MBOAT2: variants seen among roughly 807,000 people sequenced by gnomAD.
The protein encoded by MBOAT2 is membrane bound glycerophospholipid O-acyltransferase 2, also known as membrane-bound glycerophospholipid O-acyltransferase 2.
In MBOAT2, 28 loss-of-function variants were observed where a neutral mutation model predicts 63.4. The ratio of observed to expected loss-of-function variants is 0.44; its 90% CI spans 0.33 to 0.61. MBOAT2 has a LOEUF of 0.61. Ranked by LOEUF, MBOAT2 falls within the 20% of genes least tolerant of loss-of-function variation. MBOAT2 has a pLI of 0.03. For missense variants in MBOAT2, 470 were observed against 605.8 expected (o/e 0.78, Z 2.35); for synonymous variants, 211 against 215.6 (o/e 0.98, Z 0.19).
intron 2 of MBOAT2, 39 bp from the exon 3 acceptor site, chr2:8,943,303 A>G: frequency 8.1e-7 from 1 of 1,233,622 alleles, no homozygotes; most frequent in Non-Finnish European, 1.1e-6. Context: ...AGGGATGCCA[A>G]GTCACAAACA....
At chr2:8,949,375 T>C (rs1668651242) in intron 2 of MBOAT2, among the ~76,000 whole-genome samples, 1 of 152,194 alleles carries the variant, frequency 6.6e-6, no homozygotes, top group African/African-American at 2.4e-5. Context: ...TTGTTGCAAT[T>C]GCTTTTGAGG....
intron 1 of MBOAT2, among the ~76,000 whole-genome samples, chr2:8,994,803 T>C (rs1573278222): frequency 6.6e-6 from 1 of 152,328 alleles, no homozygotes; most frequent in African/African-American, 2.4e-5. Flanking sequence ...GCATAGGCTT[T>C]AGCTGACTAT....
chr2:8,919,521 T>C (rs1386312351), intron 3 of MBOAT2, among the ~76,000 whole-genome samples: 1 of 152,206 alleles, frequency 6.6e-6, no homozygotes, highest in Non-Finnish European at 1.5e-5. Flanking sequence ...AATTTGCATA[T>C]TGGCCATGAA....
chr2:8,948,716 C>T (rs1668600446), intron 2 of MBOAT2, among the ~76,000 whole-genome samples: 1 of 152,146 alleles, frequency 6.6e-6, no homozygotes, highest in Non-Finnish European at 1.5e-5. Flanking sequence ...TGTATATGTA[C>T]CACATTTTCT....
chr2:8,879,391 T>G (rs1662939456), intron 6 of MBOAT2, among the ~76,000 whole-genome samples: 1 of 152,234 alleles, frequency 6.6e-6, no homozygotes, highest in Non-Finnish European at 1.5e-5. Context: ...AAGTAATTTT[T>G]GGCTCAACTG....
chr2:8,932,796 A>C (rs1667411314), intron 3 of MBOAT2, among the ~76,000 whole-genome samples: 1 of 151,760 alleles, frequency 6.6e-6, no homozygotes, highest in Admixed American at 6.6e-5. Context: ...CATAGAAATC[A>C]CTCCATCATT....
At chr2:8,895,378 G>C (rs1664372679) in intron 4 of MBOAT2, among the ~76,000 whole-genome samples, 1 of 152,142 alleles carries the variant, frequency 6.6e-6, no homozygotes, top group Non-Finnish European at 1.5e-5. Flanking sequence ...CCGTTTTACA[G>C]AGTGCTGACT....
At chr2:8,993,655 C>T (rs1672067468) in intron 1 of MBOAT2, among the ~76,000 whole-genome samples, 1 of 152,174 alleles carries the variant, frequency 6.6e-6, no homozygotes, top group Admixed American at 6.5e-5. Context: ...CAGAACCTGG[C>T]CTTCCTAACT....
At chr2:8,919,589 G>C (rs1666427932) in intron 3 of MBOAT2, among the ~76,000 whole-genome samples, 2 of 152,030 alleles carry the variant, frequency 1.3e-5, no homozygotes. Flanking sequence ...AGTATTGATT[G>C]TACGAGTTCT....
At chr2:8,970,685 G>C (rs1670384003) in intron 1 of MBOAT2, among the ~76,000 whole-genome samples, 1 of 151,932 alleles carries the variant, frequency 6.6e-6, no homozygotes, top group Admixed American at 6.5e-5. Context: ...AATGATAAAG[G>C]GGATATCACC....
intron 5 of MBOAT2, among the ~76,000 whole-genome samples, chr2:8,884,067 A>AG (rs1313971186): frequency 6.7e-6 from 1 of 150,124 alleles, no homozygotes; most frequent in East Asian, 1.9e-4. Context: ...TACTAAAAAA[A>AG]AAAAAAAAGA....
At chr2:8,974,301 A>C (rs1416068701) in intron 1 of MBOAT2, 1 of 450,854 alleles carries the variant, frequency 2.2e-6, no homozygotes, top group Non-Finnish European at 4.5e-6. Context: ...AAATATGGCT[A>C]GGGATTACTG....
At chr2:8,873,032 G>A (rs1662442438) in intron 8 of MBOAT2, 76 bp downstream of exon 8, 4 of 1,345,216 alleles carry the variant, frequency 3.0e-6, no homozygotes, top group South Asian at 2.9e-5. Flanking sequence ...TCAAGAGGGC[G>A]CACTGATAGC....
At position 9,003,647 on chromosome 2, in the gene MBOAT2, G is replaced by C; in HGVS notation, c.-33C>G. 1 of 1,130,778 alleles carries C rather than the reference G, an allele frequency of 8.8e-7. No homozygotes were observed. Among genetic ancestry groups the C allele is most frequent in the Non-Finnish European group, 1.1e-6 (1 of 923,944 alleles). The allele number at this position is 1,130,778 out of a possible 1,614,324, so 70.0% of individuals were successfully genotyped here. A position where few individuals can be genotyped will look rare whatever the true frequency, so the allele number is the denominator to read the frequency against. On this transcript the variant is annotated 5_prime_UTR_variant, in exon 1 of 13. Transcript: ENST00000305997. This position sits in a 1 kb window ranked among gnomAD's most constrained non-coding sequence, Gnocchi z 5.4. ...CCTCGGCGCTCCGGCCGCCCGCGCC[G>C]CTCGCCCGCTCGCGCTGTGCCGGGC...
chr2:8,856,819 T>C lies in MBOAT2; in HGVS notation c.*1860A>G, dbSNP rs879787624. On this transcript the variant is annotated 3_prime_UTR_variant, in exon 13 of 13. Transcript: ENST00000305997. The surrounding 1 kb of genome is among the most constrained non-coding windows in gnomAD (Gnocchi z 4.2). The stretch of plus-strand genomic sequence containing the variant: ...ATCCGCCCACCTCGGCCTCCCAAAG[T>C]GCTAGGATTACAGGTGTGAGCCACC... 13 of 152,154 alleles carry C rather than the reference T, an allele frequency of 8.5e-5. No individual in the cohort carries two copies. Among genetic ancestry groups the C allele is most frequent in the Non-Finnish European group, 1.3e-4 (9 of 68,062 alleles). 9.4% of individuals were successfully genotyped at this position (152,154 alleles called of 1,614,324 possible).
intron 4 of MBOAT2, among the ~76,000 whole-genome samples, chr2:8,896,526 T>C (rs1325457292): frequency 6.6e-6 from 1 of 152,198 alleles, no homozygotes; most frequent in Admixed American, 6.5e-5. Flanking sequence ...TGTGTGGCAG[T>C]AGGATAATGC....
At chr2:8,934,654 G>A (rs570502251) in intron 3 of MBOAT2, among the ~76,000 whole-genome samples, 6 of 152,152 alleles carry the variant, frequency 3.9e-5, no homozygotes, top group Non-Finnish European at 5.9e-5. Context: ...AAGAGGGCCT[G>A]TACCTTTATT....
chr2:8,906,727 G>A (rs1462126802), intron 4 of MBOAT2, among the ~76,000 whole-genome samples: 1 of 152,246 alleles, frequency 6.6e-6, no homozygotes, highest in Non-Finnish European at 1.5e-5. Context: ...CAAACTGATG[G>A]AGGGGCTGTG....
At chr2:8,889,562 T>C (rs557050432) in intron 4 of MBOAT2, among the ~76,000 whole-genome samples, 96 of 152,306 alleles carry the variant, frequency 6.3e-4, no homozygotes, top group African/African-American at 2.2e-3. Flanking sequence ...CTTTGCAAGA[T>C]AGATACCCTT....
Sources: gnomAD v4.1 joint callset for allele counts (sites outside exome capture counted in the v4.1 genomes callset) on GRCh38, gnomAD v4.1.1 for gene constraint, Gnocchi (gnomAD v3.1) non-coding constraint, MANE v1.5 for transcripts, NCBI Gene and HGNC (gene_info 2026-07-23, HGNC 2026-07-21) for gene names.